Variants in TENM2 observed in about 807,000 individuals in gnomAD.
TENM2 encodes teneurin transmembrane protein 2, also known as teneurin-2.
Under a neutral mutation model 245.2 loss-of-function variants are expected in TENM2, and 52 were observed. That is an observed-to-expected ratio of 0.21 (90% CI 0.17 to 0.27). TENM2 has a LOEUF of 0.27. TENM2 is among the 10% of genes least tolerant of loss of function. The pLI is 1.00. For synonymous variants in TENM2, 1,363 were observed against 1,438.9 expected, an observed-to-expected ratio of 0.95 and a Z score of 1.19; for missense variants, 3,046 against 3,666.8, an observed-to-expected ratio of 0.83 and a Z score of 4.37.
intron 2 of TENM2, among the ~76,000 whole-genome samples, chr5:167,866,874 T>G (rs574556867): frequency 6.6e-6 from 1 of 152,326 alleles, no homozygotes; most frequent in African/African-American, 2.4e-5. Flanking sequence ...TCACTAAAAC[T>G]TAATACAATT....
intron 2 of TENM2, among the ~76,000 whole-genome samples, chr5:167,600,418 T>TA (rs1776559415): frequency 6.6e-6 from 1 of 152,170 alleles, no homozygotes; most frequent in Non-Finnish European, 1.5e-5. Context: ...CAGTTCTAAA[T>TA]AAAATCTATG....
chr5:167,746,969 G>A (rs1310316824), intron 2 of TENM2, among the ~76,000 whole-genome samples: 1 of 152,022 alleles, frequency 6.6e-6, no homozygotes, highest in East Asian at 1.9e-4. Flanking sequence ...AGTGCAAAAT[G>A]GTGTTCCCTG....
At chr5:167,529,808 G>A (rs1771375222) in intron 2 of TENM2, among the ~76,000 whole-genome samples, 1 of 152,104 alleles carries the variant, frequency 6.6e-6, no homozygotes, top group African/African-American at 2.4e-5. Flanking sequence ...AACACAGGCA[G>A]CAAAGGTTTT....
At chr5:167,572,234 A>G (rs755295384) in intron 2 of TENM2, among the ~76,000 whole-genome samples, 19 of 152,340 alleles carry the variant, frequency 1.2e-4, no homozygotes, top group East Asian at 5.8e-4. Context: ...GGGCACAGCA[A>G]TGTGGCCAGT....
intron 2 of TENM2, among the ~76,000 whole-genome samples, chr5:167,801,483 T>C (rs1268513242): frequency 6.6e-6 from 1 of 152,030 alleles, no homozygotes. Context: ...AGTGGTATTA[T>C]TGGAGCTATG....
At chr5:168,031,193 T>C (rs915102785) in intron 5 of TENM2, among the ~76,000 whole-genome samples, 1 of 152,188 alleles carries the variant, frequency 6.6e-6, no homozygotes, top group Non-Finnish European at 1.5e-5. Flanking sequence ...GGATCGGGGA[T>C]CTGTGCTTTT....
intron 3 of TENM2, among the ~76,000 whole-genome samples, chr5:167,876,991 T>C (rs1271536247): frequency 6.6e-6 from 1 of 152,214 alleles, no homozygotes; most frequent in Non-Finnish European, 1.5e-5. Flanking sequence ...TGATTTCTCC[T>C]GTTGGTGTTA....
rs747186475 is a variant in TENM2, at chr5:168,244,902, TG to T, written c.5817+187del. Among the ~76,000 whole-genome samples, 8 of 152,056 alleles carry T rather than the reference TG, an allele frequency of 5.3e-5. No homozygotes were observed. The highest frequency in any genetic ancestry group is 7.4e-5 in the Non-Finnish European group (5 of 67,986). On this transcript the variant is annotated intron_variant, in intron 26 of 28. Coordinates refer to ENST00000518659, the Ensembl canonical transcript of TENM2. This position sits in a 1 kb window ranked among gnomAD's most constrained non-coding sequence, Gnocchi z 4.9. ...CTCCTGCCTGTGCCTCCTGGGTAGCTGTGACTACAGGCACATGTCACCACGC... is the reference window on the plus strand; with the variant it reads ...CTCCTGCCTGTGCCTCCTGGGTAGCTTGACTACAGGCACATGTCACCACGC...
At chr5:167,633,853 C>T (rs1400376546) in intron 2 of TENM2, among the ~76,000 whole-genome samples, 2 of 151,998 alleles carry the variant, frequency 1.3e-5, no homozygotes, top group Non-Finnish European at 2.9e-5. Context: ...CTTTGCAGTC[C>T]CTATGTGAAG....
At chr5:167,040,788 T>A in the TENM2 span, among the ~76,000 whole-genome samples, 1 of 152,242 alleles carries the variant, frequency 6.6e-6, no homozygotes, top group Non-Finnish European at 1.5e-5. Context: ...TATGCATACA[T>A]TGAGCTTTAA....
At chr5:167,471,876 G>T (rs1027695739) in intron 2 of TENM2, among the ~76,000 whole-genome samples, 1 of 152,204 alleles carries the variant, frequency 6.6e-6, no homozygotes, top group African/African-American at 2.4e-5. Context: ...GTGTCAAGAG[G>T]CTGTGGATTG....
intron 25 of TENM2, among the ~76,000 whole-genome samples, chr5:168,232,123 G>A (rs1453460302): frequency 6.6e-6 from 1 of 152,210 alleles, no homozygotes; most frequent in Non-Finnish European, 1.5e-5. Context: ...AGACAGATGA[G>A]AAGGGGACAA....
chr5:167,781,057 T>A (rs1047531684), intron 2 of TENM2, among the ~76,000 whole-genome samples: 3 of 152,190 alleles, frequency 2.0e-5, no homozygotes, highest in African/African-American at 7.2e-5. Context: ...ACGCTTGTAA[T>A]CCAAGCACTT....
chr5:167,820,121 T>C (rs949276302), intron 2 of TENM2, among the ~76,000 whole-genome samples: 4 of 152,074 alleles, frequency 2.6e-5, no homozygotes, highest in Non-Finnish European at 5.9e-5. Flanking sequence ...GAAAGAGTCC[T>C]TTTCCCTGGG....
the TENM2 span, among the ~76,000 whole-genome samples, chr5:167,060,831 A>T: frequency 6.6e-6 from 1 of 152,118 alleles, no homozygotes; most frequent in South Asian, 2.1e-4. Context: ...TACATTCAAC[A>T]TTCATTTTGG....
the TENM2 span, among the ~76,000 whole-genome samples, chr5:167,160,207 C>T: frequency 3.9e-5 from 6 of 152,210 alleles, no homozygotes; most frequent in African/African-American, 1.2e-4. Flanking sequence ...TCACTGGACT[C>T]CTGTTTCTGT....
chr5:168,215,777 C>A (rs759961962), intron 21 of TENM2, among the ~76,000 whole-genome samples: 15 of 152,224 alleles, frequency 9.9e-5, no homozygotes, highest in Non-Finnish European at 1.6e-4. Context: ...CTGACTGCTG[C>A]CAGTCAGGAG....
the TENM2 span, among the ~76,000 whole-genome samples, chr5:167,004,536 G>C: frequency 6.6e-6 from 1 of 152,174 alleles, no homozygotes; most frequent in African/African-American, 2.4e-5. Context: ...ATAGTAAAAG[G>C]AATATTCTAT....
intron 2 of TENM2, among the ~76,000 whole-genome samples, chr5:167,412,232 G>A (rs1762945902): frequency 6.6e-6 from 1 of 152,108 alleles, no homozygotes; most frequent in Admixed American, 6.6e-5. Context: ...AACAGGAGCA[G>A]CTAGGAAGTG....
Sources: allele counts gnomAD v4.1 joint callset (sites outside exome capture counted in the v4.1 genomes callset), GRCh38; gene constraint gnomAD v4.1.1; non-coding constraint Gnocchi (gnomAD v3.1); transcripts MANE v1.5; gene names NCBI Gene and HGNC (gene_info 2026-07-23, HGNC 2026-07-21).